CNTN3: variants seen among roughly 807,000 people sequenced by gnomAD.
The protein encoded by CNTN3 is contactin-3.
CNTN3 carries 60 observed loss-of-function variants against 119.1 expected under a neutral mutation model. The observed-to-expected ratio is 0.50, with a 90% CI of 0.41 to 0.62. CNTN3 has a LOEUF of 0.62. CNTN3 is among the 20% of genes least tolerant of loss of function. The probability of loss-of-function intolerance (pLI) is 0.00; values close to 1 mark genes in which losing one functional copy is unlikely to be tolerated. For synonymous variants in CNTN3, 450 were observed against 438.7 expected (o/e 1.03, Z -0.32); for missense variants, 1,101 against 1,242.4 (o/e 0.89, Z 1.71).
intron 1 of CNTN3, among the ~76,000 whole-genome samples, chr3:74,527,065 T>C (rs1330053149): frequency 1.3e-5 from 2 of 151,956 alleles, no homozygotes; most frequent in East Asian, 1.9e-4. Context: ...GAATCATATG[T>C]ATATATGTGT....
intron 5 of CNTN3, among the ~76,000 whole-genome samples, chr3:74,390,908 T>C (rs1432909959): frequency 6.6e-6 from 1 of 152,240 alleles, no homozygotes; most frequent in African/African-American, 2.4e-5. Context: ...CACTGTGTAC[T>C]GTGAAAGTAT....
chr3:74,369,521 A>C, intron 7 of CNTN3, 148 bp from the exon 8 acceptor site: 1 of 537,924 alleles, frequency 1.9e-6, no homozygotes, highest in Non-Finnish European at 3.1e-6. Flanking sequence ...CTGATAAAAA[A>C]GATTTAACTT....
At position 74,588,978 on chromosome 3, in the gene CNTN3, C is replaced by T. The variant is rs374692030; in HGVS notation, c.-81+25413G>A. On this transcript the variant is annotated intron_variant, in intron 1 of 22. Transcript: ENST00000263665. ...ATTCAAGATGGATTAAAGACTTAAA[C>T]GTTAGACCTAAAACCATAAAAACCC... Among the ~76,000 whole-genome samples, 668 of 151,582 alleles carry T rather than the reference C, an allele frequency of 4.4e-3. 3 individuals are homozygous for T. The highest frequency in any genetic ancestry group is 0.013 in the African/African-American group (551 of 41,164).
chr3:74,600,484 T>C (rs1021757936), intron 1 of CNTN3, among the ~76,000 whole-genome samples: 2 of 152,134 alleles, frequency 1.3e-5, no homozygotes, highest in African/African-American at 4.8e-5. Flanking sequence ...TAACCTGTTA[T>C]TTGACCTGAG....
At chr3:74,435,348 G>A (rs1202606774) in intron 4 of CNTN3, among the ~76,000 whole-genome samples, 1 of 151,960 alleles carries the variant, frequency 6.6e-6, no homozygotes, top group East Asian at 1.9e-4. Context: ...CTAGTTTTTT[G>A]TATTATTTTG....
intron 3 of CNTN3, among the ~76,000 whole-genome samples, chr3:74,496,180 A>C (rs1018084034): frequency 6.6e-5 from 10 of 152,128 alleles, no homozygotes; most frequent in Non-Finnish European, 1.5e-4. Flanking sequence ...GCTAGACTAA[A>C]AGTTGGAAAC....
chr3:74,280,632 G>T (rs1177529067), intron 20 of CNTN3, among the ~76,000 whole-genome samples: 1 of 152,246 alleles, frequency 6.6e-6, no homozygotes, highest in African/African-American at 2.4e-5. Context: ...CTGCCATGGA[G>T]CAGAGACAGT....
intron 5 of CNTN3, among the ~76,000 whole-genome samples, chr3:74,418,614 T>C (rs1437190337): frequency 6.6e-6 from 1 of 152,042 alleles, no homozygotes; most frequent in African/African-American, 2.4e-5. Context: ...ATGTTAGGAT[T>C]ACAGGCATGA....
chr3:74,286,582 G>A (rs189914175), intron 19 of CNTN3, among the ~76,000 whole-genome samples: 4 of 152,304 alleles, frequency 2.6e-5, no homozygotes, highest in Non-Finnish European at 4.4e-5. Context: ...AAGGGACACT[G>A]AGGGTAGAAT....
intron 4 of CNTN3, among the ~76,000 whole-genome samples, chr3:74,427,674 C>T (rs990726306): frequency 2.0e-5 from 3 of 152,004 alleles, no homozygotes; most frequent in African/African-American, 7.3e-5. Context: ...GTGCTTTCCC[C>T]CTCCCCAACA....
intron 1 of CNTN3, among the ~76,000 whole-genome samples, chr3:74,549,329 T>A (rs116828815): frequency 0.037 from 5,631 of 152,206 alleles, 135 homozygotes; most frequent in South Asian, 0.069. Flanking sequence ...GGCCTCCCCA[T>A]AAGCAGAAGC....
intron 13 of CNTN3, among the ~76,000 whole-genome samples, chr3:74,318,671 G>C (rs568387017): frequency 6.6e-6 from 1 of 152,142 alleles, no homozygotes; most frequent in Non-Finnish European, 1.5e-5. Context: ...TAGAACAGTG[G>C]ATCTTGGTGA....
chr3:74,450,214 ATG>A (rs1241445222), intron 4 of CNTN3, among the ~76,000 whole-genome samples: 2 of 152,202 alleles, frequency 1.3e-5, no homozygotes, highest in African/African-American at 2.4e-5. Flanking sequence ...TAAAAAATAC[ATG>A]TGTTTTTTAT....
At chr3:74,467,980 A>T (rs1702494973) in intron 4 of CNTN3, among the ~76,000 whole-genome samples, 1 of 152,240 alleles carries the variant, frequency 6.6e-6, no homozygotes, top group African/African-American at 2.4e-5. Context: ...TTGCAATGGC[A>T]TTATATCGGA....
intron 5 of CNTN3, among the ~76,000 whole-genome samples, chr3:74,409,089 G>A (rs1260101805): frequency 6.6e-6 from 1 of 152,130 alleles, no homozygotes; most frequent in Non-Finnish European, 1.5e-5. Context: ...GTCTTACCAT[G>A]GTCTTGGGTC....
intron 4 of CNTN3, among the ~76,000 whole-genome samples, chr3:74,430,010 G>A (rs1423724824): frequency 3.9e-5 from 6 of 152,180 alleles, no homozygotes; most frequent in Non-Finnish European, 7.3e-5. Context: ...GAGGATGTAA[G>A]GAGGCTGGAT....
At chr3:74,485,841 G>C (rs1702846489) in intron 4 of CNTN3, among the ~76,000 whole-genome samples, 1 of 152,072 alleles carries the variant, frequency 6.6e-6, no homozygotes, top group South Asian at 2.1e-4. Flanking sequence ...CTCAGGTTGG[G>C]CTATGTGCCC....
At chr3:74,548,820 T>C (rs1349085037) in intron 1 of CNTN3, among the ~76,000 whole-genome samples, 2 of 152,242 alleles carry the variant, frequency 1.3e-5, no homozygotes, top group Non-Finnish European at 2.9e-5. Flanking sequence ...GGCTTTTACA[T>C]TTAAATTATG....
At chr3:74,605,932 C>G (rs1460165772) in intron 1 of CNTN3, among the ~76,000 whole-genome samples, 1 of 152,126 alleles carries the variant, frequency 6.6e-6, no homozygotes, top group Admixed American at 6.6e-5. Flanking sequence ...ATCTTGCAAA[C>G]AGTCTATTAT....
Sources: gnomAD v4.1 joint callset for allele counts (sites outside exome capture counted in the v4.1 genomes callset) on GRCh38, gnomAD v4.1.1 for gene constraint, MANE v1.5 for transcripts, NCBI Gene and HGNC (gene_info 2026-07-23, HGNC 2026-07-21) for gene names.